CNTN5: variants seen among roughly 807,000 people sequenced by gnomAD.
CNTN5 encodes the protein contactin-5.
Under a neutral mutation model 129.1 loss-of-function variants are expected in CNTN5, and 77 were observed. That is an observed-to-expected ratio of 0.60 (90% CI 0.50 to 0.72). The LOEUF (loss-of-function observed/expected upper bound fraction) is 0.72, where lower values mean the gene tolerates loss of function less well. Ranked by LOEUF, CNTN5 falls within the 30% of genes least tolerant of loss-of-function variation. The pLI, the probability that CNTN5 is intolerant of heterozygous loss-of-function variation, is 0.00. For missense variants in CNTN5, 1,478 were observed against 1,328.8 expected (o/e 1.11, Z -1.75); for synonymous variants, 509 against 465.6 (o/e 1.09, Z -1.20).
At chr11:99,155,030 CAA>C (rs1565361586) in intron 1 of CNTN5, among the ~76,000 whole-genome samples, 1 of 152,090 alleles carries the variant, frequency 6.6e-6, no homozygotes, top group Non-Finnish European at 1.5e-5. Context: ...TCTGCCAACC[CAA>C]GTGTCTGTAG....
chr11:99,201,345 CTTTCCT>C (rs1422524444), intron 1 of CNTN5, among the ~76,000 whole-genome samples: 35 of 115,886 alleles, frequency 3.0e-4, no homozygotes, highest in African/African-American at 1.2e-3. Context: ...TCCTTCCTTC[CTTTCCT>C]TTCCTTCCTT....
At chr11:100,215,549 A>T (rs1282368075) in intron 15 of CNTN5, among the ~76,000 whole-genome samples, 1 of 152,168 alleles carries the variant, frequency 6.6e-6, no homozygotes, top group African/African-American at 2.4e-5. Context: ...CAATAGTGTC[A>T]TGTTCAGCCG....
intron 2 of CNTN5, among the ~76,000 whole-genome samples, chr11:99,528,663 G>T (rs1947580551): frequency 6.6e-6 from 1 of 152,212 alleles, no homozygotes; most frequent in Non-Finnish European, 1.5e-5. Context: ...AGAAGCTGAT[G>T]GTGTAATTCT....
chr11:100,239,928 G>T (rs1949701009), intron 16 of CNTN5, among the ~76,000 whole-genome samples: 1 of 152,196 alleles, frequency 6.6e-6, no homozygotes, highest in Admixed American at 6.5e-5. Context: ...TTTTGCTCAA[G>T]AGGTTATTGA....
chr11:99,561,602 C>G (rs923112304), intron 3 of CNTN5, among the ~76,000 whole-genome samples: 2 of 151,990 alleles, frequency 1.3e-5, no homozygotes, highest in East Asian at 1.9e-4. Flanking sequence ...GTAAACATTT[C>G]CTCAGCCATG....
At chr11:99,785,754 C>T (rs146922492) in intron 3 of CNTN5, among the ~76,000 whole-genome samples, 13 of 152,118 alleles carry the variant, frequency 8.5e-5, no homozygotes, top group Admixed American at 2.0e-4. Context: ...TGACAGAAAC[C>T]GCCTGATTTT....
chr11:99,602,010 C>A (rs1055378236), intron 3 of CNTN5, among the ~76,000 whole-genome samples: 7 of 152,012 alleles, frequency 4.6e-5, no homozygotes, highest in Admixed American at 3.9e-4. Flanking sequence ...TACATACTAA[C>A]AAATGTTTTA....
rs537996499 is a variant in CNTN5, at chr11:99,915,660, C to T, written c.578-394C>T. Reference sequence around the variant, plus strand: ...TTAGCCTGACATATAATGAAGAAGCCGGTGGGACACCAAGTCCTCTAACCA... The same window carrying T: ...TTAGCCTGACATATAATGAAGAAGCTGGTGGGACACCAAGTCCTCTAACCA... On this transcript the variant is annotated intron_variant, in intron 6 of 24. Coordinates refer to ENST00000524871, the MANE Select transcript of CNTN5 (RefSeq NM_014361.4). Among the ~76,000 whole-genome samples, 20 of 152,246 alleles carry T rather than the reference C, an allele frequency of 1.3e-4. No individual in the cohort carries two copies. The South Asian group carries it at 3.1e-3, about 24-fold the overall frequency.
chr11:99,950,829 A>G (rs1174167640), intron 7 of CNTN5, among the ~76,000 whole-genome samples: 1 of 152,184 alleles, frequency 6.6e-6, no homozygotes, highest in Non-Finnish European at 1.5e-5. Flanking sequence ...GTTTAGGAAA[A>G]TTAAATTACA....
At chr11:99,268,561 A>G (rs1046353235) in intron 1 of CNTN5, among the ~76,000 whole-genome samples, 1 of 151,920 alleles carries the variant, frequency 6.6e-6, no homozygotes. Context: ...GTGTTTATTC[A>G]TTGCGTTTTA....
rs532743936 is a variant in CNTN5 at position 99,979,599 on chromosome 11, A to T, written c.878-22435A>T. ...TTTACTTTTTCTTCTCTTCTTTACC[A>T]TAAGATCCTTGCTCCTATGTCCTAG... On this transcript the variant is annotated intron_variant, in intron 8 of 24. Transcript: ENST00000524871. 6.6e-5 allele frequency among the ~76,000 whole-genome samples: 10 copies of T among 152,298 alleles called. No homozygotes were observed. In the South Asian group the frequency reaches 1.9e-3, roughly 28 times the overall value.
At chr11:100,128,552 A>C (rs765971280) in intron 13 of CNTN5, among the ~76,000 whole-genome samples, 1 of 152,138 alleles carries the variant, frequency 6.6e-6, no homozygotes, top group Admixed American at 6.6e-5. Flanking sequence ...CTATGAACCT[A>C]ATGTAATCAC....
intron 2 of CNTN5, among the ~76,000 whole-genome samples, chr11:99,359,342 T>G (rs1938934398): frequency 6.6e-6 from 1 of 151,988 alleles, no homozygotes; most frequent in Admixed American, 6.6e-5. Flanking sequence ...ACTACTCCCA[T>G]TCATGAGGGC....
At chr11:99,640,323 A>T (rs1193183864) in intron 3 of CNTN5, among the ~76,000 whole-genome samples, 1 of 152,236 alleles carries the variant, frequency 6.6e-6, no homozygotes, top group Non-Finnish European at 1.5e-5. Flanking sequence ...GGAAACAAAA[A>T]TTTAATTGGA....
chr11:99,196,318 GT>G (rs1858899796), intron 1 of CNTN5, among the ~76,000 whole-genome samples: 1 of 151,536 alleles, frequency 6.6e-6, no homozygotes, highest in South Asian at 2.1e-4. Flanking sequence ...TTAATATATA[GT>G]TTGCATTATA....
intron 3 of CNTN5, among the ~76,000 whole-genome samples, chr11:99,730,325 C>T (rs1943488067): frequency 6.6e-6 from 1 of 152,134 alleles, no homozygotes; most frequent in Non-Finnish European, 1.5e-5. Flanking sequence ...TAACAGTAAA[C>T]CTAAAATGCA....
rs566209931 is a variant in CNTN5, at chr11:99,751,015, G to A, written c.56-68529G>A. On this transcript the variant is annotated intron_variant, in intron 3 of 24. Coordinates refer to ENST00000524871, the MANE Select transcript of CNTN5 (RefSeq NM_014361.4). The stretch of plus-strand genomic sequence containing the variant: ...TGAAGTGTTAACCTCATCTCCTTCA[G>A]TGTGAAGGAAGTGAGATGTTCATCC... Among the ~76,000 whole-genome samples, 5 of 152,302 alleles carry A rather than the reference G, an allele frequency of 3.3e-5. No individual in the cohort carries two copies. In the South Asian group the frequency reaches 1.0e-3, roughly 32 times the overall value.
intron 1 of CNTN5, among the ~76,000 whole-genome samples, chr11:99,312,578 G>T: frequency 6.6e-6 from 1 of 151,992 alleles, no homozygotes; most frequent in East Asian, 1.9e-4. Flanking sequence ...TAAGAAAATT[G>T]GTTCTATTCA....
rs1210077714 is a variant in CNTN5 at position 99,476,444 on chromosome 11, T to C, written c.-70-79701T>C. 2.0e-5 allele frequency among the ~76,000 whole-genome samples: 3 copies of C among 152,164 alleles called. No individual in the cohort carries two copies. In the East Asian group the frequency reaches 5.8e-4, roughly 29 times the overall value. Reference sequence around the variant, plus strand: ...ATATAATTCACCATATGGAATATGTTAAGCAATGATCTTTTAAAAAATTAC... The same window carrying C: ...ATATAATTCACCATATGGAATATGTCAAGCAATGATCTTTTAAAAAATTAC... On this transcript the variant is annotated intron_variant, in intron 2 of 24. Transcript: ENST00000524871.
Sources: allele counts gnomAD v4.1 joint callset (sites outside exome capture counted in the v4.1 genomes callset), GRCh38; gene constraint gnomAD v4.1.1; transcripts MANE v1.5; gene names NCBI Gene and HGNC (gene_info 2026-07-23, HGNC 2026-07-21).